Variants in EAF2 observed in about 807,000 individuals in gnomAD.
The protein encoded by EAF2 is ELL-associated factor 2.
EAF2 carries 29 observed loss-of-function variants against 29.4 expected under a neutral mutation model. The ratio of observed to expected loss-of-function variants is 0.99; its 90% CI spans 0.73 to 1.35. The LOEUF is 1.35. Among genes scored for constraint, EAF2 ranks in the 40% most tolerant of loss-of-function variants. The pLI is 0.00. For missense variants in EAF2, 292 were observed against 312.0 expected (o/e 0.94, Z 0.48); for synonymous variants, 103 against 102.5 (o/e 1.00, Z -0.03).
rs777993467 is a variant in EAF2, at chr3:121,872,507, C to T, written c.485-30C>T. ...TATTTATTTAGCATTTTTTATTTAACCTATCTATTCATTTCTGTCTTATTT... is the reference window on the plus strand; with the variant it reads ...TATTTATTTAGCATTTTTTATTTAATCTATCTATTCATTTCTGTCTTATTT... On this transcript the variant is annotated intron_variant, in intron 4 of 5. Coordinates refer to ENST00000273668, the MANE Select transcript of EAF2 (RefSeq NM_018456.6). The T allele has an allele frequency of 2.0e-6, 3 of 1,465,106 alleles. No individual in the cohort carries two copies. The East Asian group carries it at 7.1e-5, about 35-fold the overall frequency. The allele number at this position is 1,465,106 out of a possible 1,614,324, so 90.8% of individuals were successfully genotyped here. A position where few individuals can be genotyped will look rare whatever the true frequency, so the allele number is the denominator to read the frequency against.
intron 4 of EAF2, 100 bp downstream of exon 4, chr3:121,857,256 G>A: frequency 1.0e-6 from 1 of 998,964 alleles, no homozygotes; most frequent in Non-Finnish European, 1.4e-6. Flanking sequence ...CACTTTAGGA[G>A]GCCGAGGCAG....
intron 4 of EAF2, among the ~76,000 whole-genome samples, chr3:121,861,040 T>G (rs1708820688): frequency 1.3e-5 from 2 of 152,200 alleles, no homozygotes; most frequent in African/African-American, 4.8e-5. Flanking sequence ...AGAGACAGTT[T>G]GTTGTGATTT....
chr3:121,852,189 A>T (rs948269878), intron 2 of EAF2, among the ~76,000 whole-genome samples: 1 of 152,220 alleles, frequency 6.6e-6, no homozygotes, highest in Non-Finnish European at 1.5e-5. Flanking sequence ...TCTTATTTTC[A>T]GGAGCTCAGA....
At chr3:121,881,691 A>G (rs1226013253) in intron 5 of EAF2, among the ~76,000 whole-genome samples, 3 of 151,712 alleles carry the variant, frequency 2.0e-5, no homozygotes, top group Admixed American at 6.6e-5. Context: ...TTTGTATTTT[A>G]GTAGAGATGG....
chr3:121,844,666 A>G, intron 2 of EAF2, 119 bp downstream of exon 2: 1 of 574,524 alleles, frequency 1.7e-6, no homozygotes, highest in Non-Finnish European at 2.9e-6. Flanking sequence ...AAGCACAGAT[A>G]AGCAAAAACC....
intron 3 of EAF2, among the ~76,000 whole-genome samples, chr3:121,855,352 A>C (rs1708701355): frequency 6.6e-6 from 1 of 152,234 alleles, no homozygotes; most frequent in South Asian, 2.1e-4. Flanking sequence ...TTGCTCTAAA[A>C]GCCATGCAAA....
At chr3:121,876,370 A>G (rs898444175) in intron 5 of EAF2, among the ~76,000 whole-genome samples, 6 of 151,898 alleles carry the variant, frequency 4.0e-5, no homozygotes, top group African/African-American at 1.4e-4. Flanking sequence ...TAGCAAATGT[A>G]TTATTAACAG....
chr3:121,848,036 A>G (rs1455817962), intron 2 of EAF2, among the ~76,000 whole-genome samples: 1 of 152,210 alleles, frequency 6.6e-6, no homozygotes, highest in Non-Finnish European at 1.5e-5. Context: ...GCCTGTGTTC[A>G]TTGTGGACAA....
chr3:121,868,463 G>A (rs530343068), intron 4 of EAF2, among the ~76,000 whole-genome samples: 1 of 152,224 alleles, frequency 6.6e-6, no homozygotes, highest in South Asian at 2.1e-4. Flanking sequence ...GCCAAGCACG[G>A]TGGCACGCAC....
chr3:121,836,716 G>A, intron 1 of EAF2: 2 of 987,784 alleles, frequency 2.0e-6, no homozygotes, highest in African/African-American at 1.7e-5. Context: ...TTCCGGAAGT[G>A]TGATATGCGT....
intron 2 of EAF2, among the ~76,000 whole-genome samples, chr3:121,847,690 A>T (rs1708553408): frequency 6.6e-6 from 1 of 152,178 alleles, no homozygotes; most frequent in African/African-American, 2.4e-5. Context: ...TGCTCCTGAG[A>T]TTAGTTCAGA....
chr3:121,855,508 G>A (rs988522758), intron 3 of EAF2, among the ~76,000 whole-genome samples: 3 of 152,084 alleles, frequency 2.0e-5, no homozygotes, highest in African/African-American at 4.8e-5. Flanking sequence ...ATTAGTTCCC[G>A]AATCCAACCT....
intron 4 of EAF2, among the ~76,000 whole-genome samples, chr3:121,857,489 CAA>C (rs1175333816): frequency 2.6e-4 from 18 of 69,092 alleles, no homozygotes; most frequent in Non-Finnish European, 2.1e-4. Context: ...GACTCCATCT[CAA>C]AAAAAAAAAA....
chr3:121,835,502 A>AT, intron 1 of EAF2, 111 bp downstream of exon 1: 1 of 926,488 alleles, frequency 1.1e-6, no homozygotes, highest in Admixed American at 2.1e-5. Context: ...GTTGGAGACT[A>AT]CGGGGCGGGG....
intron 4 of EAF2, among the ~76,000 whole-genome samples, chr3:121,868,079 C>T (rs1039587968): frequency 6.6e-6 from 1 of 152,008 alleles, no homozygotes; most frequent in Non-Finnish European, 1.5e-5. Flanking sequence ...ACACTTAAGC[C>T]CTAACATATA....
intron 1 of EAF2, chr3:121,837,349 A>T (rs997896581): frequency 6.6e-6 from 1 of 152,164 alleles, no homozygotes; most frequent in African/African-American, 2.4e-5. Context: ...CATGCAGATA[A>T]GGGGGACCTA....
At chr3:121,873,232 T>A (rs551751039) in intron 5 of EAF2, 27 of 514,928 alleles carry the variant, frequency 5.2e-5, no homozygotes, top group Non-Finnish European at 7.8e-5. Flanking sequence ...CATCATCTCA[T>A]CACCTTCAAA....
At position 121,837,445 on chromosome 3, in the gene EAF2, A is replaced by C. The variant is rs964149486; in HGVS notation, c.106+2054A>C. On this transcript the variant is annotated intron_variant, in intron 1 of 5. Coordinates refer to ENST00000273668, the MANE Select transcript of EAF2 (RefSeq NM_018456.6). Reference sequence around the variant, plus strand: ...ACAGGAGCAATTCTGCCTGTCTGATATAAGACTTCAGGCAAACCCGGATGT... The same window carrying C: ...ACAGGAGCAATTCTGCCTGTCTGATCTAAGACTTCAGGCAAACCCGGATGT... 5.3e-5 allele frequency: 8 copies of C among 152,320 alleles called. 2 individuals carry two copies. In the South Asian group the frequency reaches 1.7e-3, roughly 32 times the overall value. 9.4% of individuals were successfully genotyped at this position (152,320 alleles called of 1,614,324 possible).
intron 4 of EAF2, among the ~76,000 whole-genome samples, chr3:121,858,040 G>A (rs1012748549): frequency 6.6e-6 from 1 of 152,244 alleles, no homozygotes; most frequent in African/African-American, 2.4e-5. Flanking sequence ...TGGTGTATAT[G>A]TGCCACATTT....
Sources: allele counts gnomAD v4.1 joint callset (sites outside exome capture counted in the v4.1 genomes callset), GRCh38; gene constraint gnomAD v4.1.1; transcripts MANE v1.5; gene names NCBI Gene and HGNC (gene_info 2026-07-23, HGNC 2026-07-21).